GALNTL6: variants seen among roughly 807,000 people sequenced by gnomAD.
The protein encoded by GALNTL6 is polypeptide N-acetylgalactosaminyltransferase like 6.
A neutral mutation model predicts 73.7 loss-of-function variants in GALNTL6; 46 were observed. That is an observed-to-expected ratio of 0.62 (90% CI 0.49 to 0.80). The LOEUF (loss-of-function observed/expected upper bound fraction) is 0.80. GALNTL6 is among the 30% of genes least tolerant of loss of function. The pLI, the probability that GALNTL6 is intolerant of heterozygous loss-of-function variation, is 0.00. For synonymous variants in GALNTL6, 259 were observed against 263.7 expected (o/e 0.98, Z 0.17); for missense variants, 604 against 755.0 (o/e 0.80, Z 2.34).
chr4:171,948,968 C>T (rs202079959), intron 2 of GALNTL6, among the ~76,000 whole-genome samples: 39,277 of 150,578 alleles, frequency 0.26, 5,747 homozygotes, highest in African/African-American at 0.41. Context: ...TATATACACA[C>T]ACACACACAC....
At chr4:171,835,679 G>A (rs944363526) in intron 2 of GALNTL6, among the ~76,000 whole-genome samples, 1 of 151,900 alleles carries the variant, frequency 6.6e-6, no homozygotes, top group African/African-American at 2.4e-5. Flanking sequence ...AAATAGTCAT[G>A]TATAATTCAT....
At chr4:172,774,938 T>C (rs1010630400) in intron 5 of GALNTL6, among the ~76,000 whole-genome samples, 2 of 149,894 alleles carry the variant, frequency 1.3e-5, no homozygotes, top group African/African-American at 5.0e-5. Context: ...CCAGCCTGGG[T>C]GACAGAGCGA....
chr4:172,125,666 C>G (rs896120609), intron 2 of GALNTL6, among the ~76,000 whole-genome samples: 2 of 152,180 alleles, frequency 1.3e-5, no homozygotes, highest in Non-Finnish European at 2.9e-5. Flanking sequence ...CCTACACTTC[C>G]TCTTTCTTAC....
chr4:172,755,556 C>T (rs1737706965), intron 5 of GALNTL6, among the ~76,000 whole-genome samples: 1 of 152,152 alleles, frequency 6.6e-6, no homozygotes, highest in South Asian at 2.1e-4. Flanking sequence ...GCCTGGAGAA[C>T]CTTTTATCTT....
chr4:172,750,246 A>G lies in GALNTL6; in HGVS notation c.554-59115A>G, dbSNP rs577699410. ...AATAACACAACTTCAACAAAGTTTT[A>G]CAGTGAAAGACATATTTTTCAAGGA... On this transcript the variant is annotated intron_variant, in intron 5 of 12. Coordinates refer to ENST00000506823, the MANE Select transcript of GALNTL6 (RefSeq NM_001034845.3). Among the ~76,000 whole-genome samples the G allele has an allele frequency of 1.3e-3, 202 of 152,338 alleles. 1 individual carries two copies. The highest frequency in any genetic ancestry group is 4.6e-3 in the African/African-American group (193 of 41,586).
At chr4:172,097,186 GT>G (rs1487800380) in intron 2 of GALNTL6, among the ~76,000 whole-genome samples, 3 of 152,078 alleles carry the variant, frequency 2.0e-5, no homozygotes, top group Non-Finnish European at 2.9e-5. Flanking sequence ...TCTTTGTTTT[GT>G]AATCTCTGTT....
intron 2 of GALNTL6, among the ~76,000 whole-genome samples, chr4:171,920,699 T>A (rs1737759865): frequency 6.6e-6 from 1 of 152,090 alleles, no homozygotes; most frequent in African/African-American, 2.4e-5. Flanking sequence ...TCCTTAATGA[T>A]CGATACAAAT....
chr4:172,604,620 A>T (rs1364300203), intron 5 of GALNTL6, among the ~76,000 whole-genome samples: 2 of 152,236 alleles, frequency 1.3e-5, no homozygotes, highest in African/African-American at 4.8e-5. Context: ...TTAAAATATG[A>T]TTAAACACTA....
rs755415517 is a variant in GALNTL6, at chr4:172,809,341, A to G, written c.554-20A>G. 1 of 1,607,744 alleles carries G rather than the reference A, an allele frequency of 6.2e-7. No homozygotes were observed. The highest frequency in any genetic ancestry group is 8.5e-7 in the Non-Finnish European group (1 of 1,175,802). On this transcript the variant is annotated intron_variant, in intron 5 of 12. Coordinates refer to ENST00000506823, the MANE Select transcript of GALNTL6 (RefSeq NM_001034845.3). The surrounding 1 kb of genome is among the most constrained non-coding windows in gnomAD (Gnocchi z 4.4). ...CTAATGTTTTGCGTTTTTTCTATGC[A>G]TTCTCTACTTCCTACCTAGAACACC...
At position 172,327,257 on chromosome 4, in the gene GALNTL6, A is replaced by G. The variant is rs138817986; in HGVS notation, c.386+15505A>G. 7.9e-4 allele frequency among the ~76,000 whole-genome samples: 120 copies of G among 152,242 alleles called. 2 individuals carry two copies. In the East Asian group the frequency reaches 0.019, roughly 24 times the overall value. ...TTTATATCTATTGTGCTGTGGTCCAAGAGTGTGTTTCATATGATTTCAGTT... is the reference window on the plus strand; with the variant it reads ...TTTATATCTATTGTGCTGTGGTCCAGGAGTGTGTTTCATATGATTTCAGTT... On this transcript the variant is annotated intron_variant, in intron 4 of 12. Coordinates refer to ENST00000506823, the MANE Select transcript of GALNTL6 (RefSeq NM_001034845.3).
At chr4:172,917,197 G>T (rs982764262) in intron 8 of GALNTL6, among the ~76,000 whole-genome samples, 7 of 152,206 alleles carry the variant, frequency 4.6e-5, no homozygotes, top group Admixed American at 1.3e-4. Context: ...CTAGCCATAT[G>T]CAGGAAGCTG....
At chr4:172,885,874 G>A (rs1056178728) in intron 8 of GALNTL6, among the ~76,000 whole-genome samples, 3 of 152,046 alleles carry the variant, frequency 2.0e-5, no homozygotes, top group African/African-American at 2.4e-5. Context: ...ATTTGTATAC[G>A]TTGAACCATC....
intron 2 of GALNTL6, among the ~76,000 whole-genome samples, chr4:171,873,520 C>A (rs1321265084): frequency 6.6e-6 from 1 of 152,082 alleles, no homozygotes; most frequent in Non-Finnish European, 1.5e-5. Context: ...CAGAATCCTG[C>A]CTAGTGTGGA....
chr4:172,476,431 A>C (rs956708494), intron 5 of GALNTL6, among the ~76,000 whole-genome samples: 1 of 152,224 alleles, frequency 6.6e-6, no homozygotes, highest in African/African-American at 2.4e-5. Context: ...GTGGACATGA[A>C]CATTCAGACC....
chr4:172,140,554 G>C (rs1035197284), intron 2 of GALNTL6, among the ~76,000 whole-genome samples: 2 of 151,908 alleles, frequency 1.3e-5, no homozygotes, highest in African/African-American at 4.8e-5. Flanking sequence ...TTCCACACAA[G>C]AACATTGAAC....
intron 10 of GALNTL6, among the ~76,000 whole-genome samples, chr4:172,983,043 A>C (rs1187439462): frequency 2.0e-5 from 3 of 152,200 alleles, no homozygotes; most frequent in Non-Finnish European, 4.4e-5. Context: ...AATGTACTTC[A>C]TCTGGGCAAT....
chr4:172,942,030 G>A (rs991213745), intron 9 of GALNTL6, among the ~76,000 whole-genome samples: 1 of 152,166 alleles, frequency 6.6e-6, no homozygotes, highest in Non-Finnish European at 1.5e-5. Context: ...CAGCCCAAGT[G>A]TATCTCCATT....
intron 5 of GALNTL6, among the ~76,000 whole-genome samples, chr4:172,779,462 T>C (rs1358607325): frequency 1.3e-5 from 2 of 152,158 alleles, no homozygotes; most frequent in Non-Finnish European, 2.9e-5. Context: ...TCACATCATG[T>C]TTAGAGCTTC....
chr4:172,093,764 C>T (rs1417923066), intron 2 of GALNTL6, among the ~76,000 whole-genome samples: 1 of 152,170 alleles, frequency 6.6e-6, no homozygotes, highest in Non-Finnish European at 1.5e-5. Flanking sequence ...CTAGGTTGCA[C>T]ACTCCTTGTG....
Sources: gnomAD v4.1 joint callset for allele counts (sites outside exome capture counted in the v4.1 genomes callset) on GRCh38, gnomAD v4.1.1 for gene constraint, Gnocchi (gnomAD v3.1) non-coding constraint, MANE v1.5 for transcripts, NCBI Gene and HGNC (gene_info 2026-07-23, HGNC 2026-07-21) for gene names.